WWOX: variants seen among roughly 807,000 people sequenced by gnomAD.
WWOX encodes WW domain-containing oxidoreductase.
WWOX carries 69 observed loss-of-function variants against 46.2 expected under a neutral mutation model. The ratio of observed to expected loss-of-function variants is 1.49; its 90% confidence interval spans 1.23 to 1.82. The LOEUF (loss-of-function observed/expected upper bound fraction) is 1.82, where lower values mean the gene tolerates loss of function less well. WWOX is among the 40% of genes most tolerant of loss of function. The pLI is 0.00. For missense variants in WWOX, 919 were observed against 542.6 expected (o/e 1.69, Z -6.89); for synonymous variants, 359 against 202.6 (o/e 1.77, Z -6.56).
chr16:78,906,609 A>G (rs939628115), intron 8 of WWOX, among the ~76,000 whole-genome samples: 2 of 152,220 alleles, frequency 1.3e-5, no homozygotes, highest in Non-Finnish European at 2.9e-5. Flanking sequence ...AGAAGTCAGG[A>G]GAGCAAAACC....
At chr16:78,289,060 G>A (rs1456638430) in intron 5 of WWOX, among the ~76,000 whole-genome samples, 2 of 152,192 alleles carry the variant, frequency 1.3e-5, no homozygotes, top group Non-Finnish European at 2.9e-5. Flanking sequence ...TAGAGCGAGA[G>A]TCAGGGTGCC....
At chr16:78,550,346 C>G (rs1291211034) in intron 8 of WWOX, among the ~76,000 whole-genome samples, 2 of 152,212 alleles carry the variant, frequency 1.3e-5, no homozygotes, top group Non-Finnish European at 2.9e-5. Flanking sequence ...GTACCTATCA[C>G]AACTACTAAG....
intron 8 of WWOX, among the ~76,000 whole-genome samples, chr16:78,642,498 A>G (rs2142118135): frequency 6.6e-6 from 1 of 152,224 alleles, no homozygotes; most frequent in Non-Finnish European, 1.5e-5. Flanking sequence ...ACCAGGTCAG[A>G]TTCAATGCTG....
chr16:78,552,216 A>G (rs1049095826), intron 8 of WWOX: 7 of 152,166 alleles, frequency 4.6e-5, no homozygotes, highest in African/African-American at 1.7e-4. Flanking sequence ...CCCTCAAAAG[A>G]TGATACTTGT....
At chr16:78,614,558 C>G (rs374478304) in intron 8 of WWOX, among the ~76,000 whole-genome samples, 115 of 152,272 alleles carry the variant, frequency 7.6e-4, no homozygotes, top group African/African-American at 2.6e-3. Flanking sequence ...GATTGAACAC[C>G]TGTTGATGCC....
intron 8 of WWOX, among the ~76,000 whole-genome samples, chr16:78,563,709 G>A (rs1422693333): frequency 2.6e-5 from 4 of 152,040 alleles, no homozygotes; most frequent in African/African-American, 9.7e-5. Context: ...ATTAAGAACT[G>A]TCTGTATTTG....
intron 8 of WWOX, among the ~76,000 whole-genome samples, chr16:79,012,331 C>G (rs1474989482): frequency 2.0e-5 from 3 of 152,060 alleles, no homozygotes; most frequent in East Asian, 1.9e-4. Flanking sequence ...TTCCTGGATT[C>G]AAGTAATTCT....
chr16:78,398,988 A>G (rs1226798116), intron 6 of WWOX, among the ~76,000 whole-genome samples: 2 of 149,640 alleles, frequency 1.3e-5, no homozygotes, highest in Non-Finnish European at 3.0e-5. Flanking sequence ...TGGAAGAGGT[A>G]AGTACAAGGA....
At chr16:78,441,052 C>T (rs2083434002) in intron 8 of WWOX, among the ~76,000 whole-genome samples, 2 of 152,174 alleles carry the variant, frequency 1.3e-5, no homozygotes, top group East Asian at 3.9e-4. Flanking sequence ...AAGCGATTCT[C>T]CTGTGTCAGC....
intron 8 of WWOX, among the ~76,000 whole-genome samples, chr16:78,767,210 TC>T (rs1448025894): frequency 6.6e-6 from 1 of 151,998 alleles, no homozygotes; most frequent in African/African-American, 2.4e-5. Flanking sequence ...AGCCTTGACT[TC>T]CTGGGCTTCA....
At chr16:78,474,695 G>C (rs767002247) in intron 8 of WWOX, among the ~76,000 whole-genome samples, 1 of 151,716 alleles carries the variant, frequency 6.6e-6, no homozygotes, top group Non-Finnish European at 1.5e-5. Flanking sequence ...TTACCTGAAG[G>C]AGAAAGCCTG....
At chr16:79,145,830 C>T (rs1236167090) in intron 8 of WWOX, among the ~76,000 whole-genome samples, 1 of 151,690 alleles carries the variant, frequency 6.6e-6, no homozygotes. Context: ...GAAAAAAACC[C>T]CATTCAAAAT....
chr16:78,756,459 T>C (rs1164304032), intron 8 of WWOX, among the ~76,000 whole-genome samples: 1 of 152,164 alleles, frequency 6.6e-6, no homozygotes, highest in African/African-American at 2.4e-5. Context: ...CAGAAAAAGA[T>C]TGATTAGGCA....
chr16:78,585,473 C>G (rs1381641751), intron 8 of WWOX, among the ~76,000 whole-genome samples: 1 of 152,186 alleles, frequency 6.6e-6, no homozygotes, highest in African/African-American at 2.4e-5. Context: ...CCCAACTCAA[C>G]TTTCACTGGC....
intron 8 of WWOX, among the ~76,000 whole-genome samples, chr16:79,038,390 G>A (rs1361062479): frequency 1.3e-5 from 2 of 152,064 alleles, no homozygotes. Flanking sequence ...AAAATTCTGT[G>A]AGTCTAATTA....
chr16:79,193,804 A>C (rs2051185445), intron 8 of WWOX, among the ~76,000 whole-genome samples: 1 of 152,068 alleles, frequency 6.6e-6, no homozygotes, highest in South Asian at 2.1e-4. Flanking sequence ...AGCTGGGGAG[A>C]AGCTGAATCA....
chr16:78,230,160 G>A lies in WWOX; in HGVS notation c.516+65871G>A, dbSNP rs546164730. 2.2e-4 allele frequency among the ~76,000 whole-genome samples: 10 copies of A among 45,762 alleles called. No individual in the cohort carries two copies. The East Asian group carries it at 5.3e-3, about 24-fold the overall frequency. The allele number at this position is 45,762 out of a possible 152,430, so 30.0% of individuals were successfully genotyped here. On this transcript the variant is annotated intron_variant, in intron 5 of 8. Coordinates refer to ENST00000566780, the MANE Select transcript of WWOX (RefSeq NM_016373.4). The stretch of plus-strand genomic sequence containing the variant: ...CTCCCAAAGTGTTGGGATTACAGGC[G>A]TGAGCTACCGTGCCCGTGCCCGGCC...
intron 8 of WWOX, among the ~76,000 whole-genome samples, chr16:78,532,270 T>C (rs551803207): frequency 6.6e-6 from 1 of 151,726 alleles, no homozygotes; most frequent in Admixed American, 6.6e-5. Flanking sequence ...TTTGAAGGAG[T>C]TGGGTGGTGG....
At position 78,432,353 on chromosome 16, in the gene WWOX, G is replaced by A. The variant is rs72797976; in HGVS notation, c.792-135G>A. 46,047 of 1,200,924 alleles carry A rather than the reference G, an allele frequency of 0.038. 1,705 individuals carry two copies. Among genetic ancestry groups the A allele is most frequent in the South Asian group, 0.15 (11,345 of 76,536 alleles). 74.4% of individuals were successfully genotyped at this position (1,200,924 alleles called of 1,614,324 possible). A position where few individuals can be genotyped will look rare whatever the true frequency, so the allele number is the denominator to read the frequency against. Reference sequence around the variant, plus strand: ...ACTCCCGACCTCAGGTGATCCACTCGTCTAAGACTCCCAAAGTGCTCGGAT... The same window carrying A: ...ACTCCCGACCTCAGGTGATCCACTCATCTAAGACTCCCAAAGTGCTCGGAT... On this transcript the variant is annotated intron_variant, in intron 7 of 8. Transcript: ENST00000566780.
Sources: gnomAD v4.1 joint callset for allele counts (sites outside exome capture counted in the v4.1 genomes callset) on GRCh38, gnomAD v4.1.1 for gene constraint, MANE v1.5 for transcripts, NCBI Gene and HGNC (gene_info 2026-07-23, HGNC 2026-07-21) for gene names.